The following CACNA2D3 variants were observed in gnomAD, a reference collection of about 807,000 sequenced individuals.
CACNA2D3 encodes voltage-dependent calcium channel subunit alpha-2/delta-3.
In CACNA2D3, 60 loss-of-function variants were observed where a neutral mutation model predicts 160.6. That is an observed-to-expected ratio of 0.37 (90% CI 0.30 to 0.46). CACNA2D3 has a LOEUF of 0.46. CACNA2D3 is among the 20% of genes least tolerant of loss of function. The pLI is 1.00. For synonymous variants in CACNA2D3, 558 were observed against 492.9 expected, an observed-to-expected ratio of 1.13 and a Z score of -1.75; for missense variants, 1,205 against 1,365.0, an observed-to-expected ratio of 0.88 and a Z score of 1.85.
At chr3:54,431,479 G>C (rs1025560284) in intron 4 of CACNA2D3, among the ~76,000 whole-genome samples, 4 of 152,180 alleles carry the variant, frequency 2.6e-5, no homozygotes, top group African/African-American at 9.7e-5. Context: ...AGGAAGGCTT[G>C]TTCTTGCTGT....
At chr3:54,227,839 G>A (rs537078267) in intron 2 of CACNA2D3, among the ~76,000 whole-genome samples, 51 of 152,238 alleles carry the variant, frequency 3.4e-4, no homozygotes, top group African/African-American at 1.1e-3. Context: ...GTGAGCCACT[G>A]CACCCGGCCT....
Position 54,122,751 on chromosome 3 carries a change from G to T in CACNA2D3, c.38G>T (p.Gly13Val). 1 of 1,221,232 alleles carries T rather than the reference G, an allele frequency of 8.2e-7. No homozygotes were observed. 75.6% of individuals were successfully genotyped at this position (1,221,232 alleles called of 1,614,324 possible). The change falls in exon 1 of 38, where the codon GGG becomes GTG. Residue 13 changes from glycine (G) to valine (V), a missense_variant. By Grantham distance (109) the Gly-to-Val change is moderately radical (BLOSUM62 -3). This residue lies in a region of CACNA2D3 where 163 missense variants were observed against 161.3 expected (regional missense o/e 1.01). Coordinates refer to ENST00000474759, the MANE Select transcript of CACNA2D3 (RefSeq NM_018398.3). ...GPGSPRRASR[G>V]ASALLAAALL... ...GGCTCGCCGCGCCGCGCGTCCCGGGGGGCCTCGGCGCTTCTCGCTGCCGCG... is the reference window on the plus strand; with the variant it reads ...GGCTCGCCGCGCCGCGCGTCCCGGGTGGCCTCGGCGCTTCTCGCTGCCGCG...
Position 54,798,397 on chromosome 3 carries a change from G to A in CACNA2D3, c.1381-18456G>A, listed in dbSNP as rs7611287. ...AAAATACCAAAAAAAATAGCCAGGCGCGTTGGCATGTACCTGTAGTCCCAG... is the reference window on the plus strand; with the variant it reads ...AAAATACCAAAAAAAATAGCCAGGCACGTTGGCATGTACCTGTAGTCCCAG... On this transcript the variant is annotated intron_variant, in intron 13 of 37. Coordinates refer to ENST00000474759, the MANE Select transcript of CACNA2D3 (RefSeq NM_018398.3). 7.6e-3 allele frequency among the ~76,000 whole-genome samples: 1,157 copies of A among 152,090 alleles called. 14 individuals are homozygous for A. The highest frequency in any genetic ancestry group is 0.026 in the African/African-American group (1,072 of 41,468).
At chr3:54,413,468 A>C (rs1699705441) in intron 4 of CACNA2D3, among the ~76,000 whole-genome samples, 1 of 148,830 alleles carries the variant, frequency 6.7e-6, no homozygotes, top group Non-Finnish European at 1.5e-5. Context: ...GTTTGCTGAC[A>C]TTTTAAAATA....
intron 5 of CACNA2D3, among the ~76,000 whole-genome samples, chr3:54,506,736 G>A (rs542359967): frequency 6.6e-6 from 1 of 152,322 alleles, no homozygotes; most frequent in African/African-American, 2.4e-5. Flanking sequence ...TTCAGCAGAT[G>A]TTTGCTGAGT....
chr3:54,709,708 T>C (rs1400473562), intron 11 of CACNA2D3, among the ~76,000 whole-genome samples: 1 of 152,148 alleles, frequency 6.6e-6, no homozygotes, highest in Non-Finnish European at 1.5e-5. Context: ...GATGGTTGCT[T>C]GTGACCAGTA....
intron 12 of CACNA2D3, 132 bp from the exon 13 acceptor site, chr3:54,764,086 G>C: frequency 1.1e-6 from 1 of 916,390 alleles, no homozygotes; most frequent in South Asian, 1.7e-5. Flanking sequence ...GAAAAATGGG[G>C]GAGAGGAGCT....
chr3:54,680,021 A>C (rs891175691), intron 11 of CACNA2D3, among the ~76,000 whole-genome samples: 1 of 152,246 alleles, frequency 6.6e-6, no homozygotes, highest in East Asian at 1.9e-4. Context: ...TAACAGCGGA[A>C]AGAGATACTT....
intron 26 of CACNA2D3, among the ~76,000 whole-genome samples, chr3:54,898,102 CTTTCTTTCTTT>C (rs2106883331): frequency 6.7e-6 from 1 of 149,868 alleles, no homozygotes; most frequent in East Asian, 2.7e-4. Flanking sequence ...TCCTTCCTTC[CTTTCTTTCTTT>C]TTTCTTTCTT....
intron 14 of CACNA2D3, among the ~76,000 whole-genome samples, chr3:54,828,927 A>G (rs1703806288): frequency 6.6e-6 from 1 of 152,218 alleles, no homozygotes; most frequent in Non-Finnish European, 1.5e-5. Context: ...TACCAAGACA[A>G]TCAAGTGAAA....
chr3:55,001,128 CTGT>C (rs1295579746), intron 31 of CACNA2D3, among the ~76,000 whole-genome samples: 2 of 152,190 alleles, frequency 1.3e-5, no homozygotes, highest in East Asian at 3.9e-4. Flanking sequence ...TACACATCAG[CTGT>C]TGTTATCATT....
chr3:54,873,590 G>T (rs543806424), intron 18 of CACNA2D3, among the ~76,000 whole-genome samples: 4 of 152,234 alleles, frequency 2.6e-5, no homozygotes, highest in Admixed American at 6.5e-5. Context: ...CGTTGGAGCT[G>T]CAGGCATTGG....
intron 2 of CACNA2D3, among the ~76,000 whole-genome samples, chr3:54,149,814 G>A (rs1700104520): frequency 6.6e-6 from 1 of 151,968 alleles, no homozygotes. Flanking sequence ...GACGGACAGT[G>A]TCTGGCTCTT....
intron 27 of CACNA2D3, among the ~76,000 whole-genome samples, chr3:54,926,546 A>T (rs1215436591): frequency 8.5e-6 from 1 of 117,168 alleles, no homozygotes; most frequent in Non-Finnish European, 1.8e-5. Flanking sequence ...ACACACACAC[A>T]CACACACTCT....
At chr3:54,804,867 C>T (rs936024480) in intron 13 of CACNA2D3, among the ~76,000 whole-genome samples, 1 of 152,190 alleles carries the variant, frequency 6.6e-6, no homozygotes, top group Non-Finnish European at 1.5e-5. Context: ...GACCACAGTG[C>T]AATCAAACTA....
At chr3:54,871,718 T>C in intron 18 of CACNA2D3, 96 bp downstream of exon 18, 1 of 868,030 alleles carries the variant, frequency 1.2e-6, no homozygotes, top group Non-Finnish European at 1.9e-6. Flanking sequence ...AGAGGCCCAC[T>C]GAAGGGACAC....
chr3:55,026,334 A>G (rs914353022), intron 35 of CACNA2D3, among the ~76,000 whole-genome samples: 1 of 152,242 alleles, frequency 6.6e-6, no homozygotes, highest in South Asian at 2.1e-4. Context: ...AAGATAGCTC[A>G]GGACTTGAGT....
At chr3:54,598,163 C>T (rs1702992033) in intron 9 of CACNA2D3, among the ~76,000 whole-genome samples, 1 of 150,758 alleles carries the variant, frequency 6.6e-6, no homozygotes, top group Non-Finnish European at 1.5e-5. Context: ...AAAAAATTAG[C>T]CGGGCATGGC....
At chr3:54,963,131 G>A (rs529712523) in intron 27 of CACNA2D3, among the ~76,000 whole-genome samples, 8 of 152,228 alleles carry the variant, frequency 5.3e-5, no homozygotes, top group Admixed American at 2.6e-4. Flanking sequence ...AAATCTGGAG[G>A]GTGGTTGTTG....
Sources: allele counts gnomAD v4.1 joint callset (sites outside exome capture counted in the v4.1 genomes callset), GRCh38; gene constraint gnomAD v4.1.1; regional missense constraint gnomAD v4.1.1; transcripts MANE v1.5; gene names NCBI Gene and HGNC (gene_info 2026-07-23, HGNC 2026-07-21).